TXLNA: variants seen among roughly 807,000 people sequenced by gnomAD.
TXLNA encodes alpha-taxilin.
TXLNA carries 9 observed loss-of-function variants against 61.4 expected under a neutral mutation model. That is an observed-to-expected ratio of 0.15 (90% CI 0.09 to 0.26). The LOEUF (loss-of-function observed/expected upper bound fraction) is 0.26. TXLNA is among the 10% of genes least tolerant of loss of function. TXLNA has a pLI of 1.00. For synonymous variants in TXLNA, 257 were observed against 267.7 expected (o/e 0.96, Z 0.39); for missense variants, 565 against 688.8 (o/e 0.82, Z 2.01).
In TXLNA at chr1:32,181,313, G is replaced by A. The variant is rs1642652367; in HGVS notation, c.241G>A (p.Asp81Asn). 1 of 1,613,846 alleles carries A rather than the reference G, an allele frequency of 6.2e-7. No homozygotes were observed. The highest frequency in any genetic ancestry group is 1.3e-5 in the African/African-American group (1 of 75,050). ...TGAGGAGCTGAGCCGCCAACTGGAA[G>A]ACATACTGAGCACATACTGTGTGGA... ...VSEELSRQLE[D>N]ILSTYCVDNN... Residue 81 changes from aspartate (D) to asparagine (N), a missense_variant, in exon 3 of 11, where the codon GAC becomes AAC. Coordinates refer to ENST00000373610, the MANE Select transcript of TXLNA (RefSeq NM_175852.4).
In TXLNA at chr1:32,181,302, G is replaced by T. The variant is rs777387089; in HGVS notation, c.230G>T (p.Arg77Leu). Residue 77 changes from arginine to leucine, a missense_variant, in exon 3 of 11, where the codon CGC becomes CTC. Physicochemically the swap from Arg to Leu is moderately radical, Grantham distance 102. This residue lies in a region of TXLNA where 192 missense variants were observed against 184.8 expected (regional missense o/e 1.04). Transcript: ENST00000373610. ...CGTGATGTCTCTGAGGAGCTGAGCC[G>T]CCAACTGGAAGACATACTGAGCACA... ...ALRDVSEELS[R>L]QLEDILSTYC... 14 of 1,612,868 alleles carry T rather than the reference G, an allele frequency of 8.7e-6. No homozygotes were observed. The highest frequency in any genetic ancestry group is 1.2e-5 in the Non-Finnish European group (14 of 1,179,104).
In TXLNA at chr1:32,188,091, C is replaced by T. The variant is rs2124149361; in HGVS notation, c.735C>T (p.Cys245=). ...VLARSKLESL[C]RELQRHNRSL... is the part of the protein sequence containing the mutation. ...CCCGCAGCAAGCTTGAGAGCCTATG[C>T]CGTGAGCTGCAGCGGCACAACCGCT... Residue 245 remains cysteine, a synonymous_variant, in exon 5 of 11, where the codon TGC becomes TGT. Coordinates refer to ENST00000373610, the MANE Select transcript of TXLNA (RefSeq NM_175852.4). The T allele has an allele frequency of 1.3e-6, 2 of 1,578,802 alleles. No homozygotes were observed. Among genetic ancestry groups the T allele is most frequent in the Non-Finnish European group, 1.7e-6 (2 of 1,161,412 alleles).
chr1:32,179,972 G>C (rs898114445), intron 1 of TXLNA, 196 bp downstream of exon 1: 2 of 157,040 alleles, frequency 1.3e-5, no homozygotes, highest in Admixed American at 6.5e-5. Flanking sequence ...CGCACGTGGG[G>C]CCTGAGGGGC....
In TXLNA at chr1:32,181,267, TG is replaced by T; in HGVS notation, c.199del (p.Ala67ProfsTer9). ...EGAQARTAQS[G>X]ALRDVSEELS... ...GGGCTCAAGCCAGAACGGCTCAGTCTGGGGCCCTTCGTGATGTCTCTGAGGA... is the reference window on the plus strand; with the variant it reads ...GGGCTCAAGCCAGAACGGCTCAGTCTGGGCCCTTCGTGATGTCTCTGAGGA... On this transcript the variant is annotated frameshift_variant, in exon 3 of 11. Transcript: ENST00000373610. LOFTEE classifies it high-confidence loss of function. The T allele has an allele frequency of 1.2e-6, 2 of 1,606,688 alleles. No homozygotes were observed. Among genetic ancestry groups the T allele is most frequent in the Non-Finnish European group, 1.7e-6 (2 of 1,174,672 alleles).
At chr1:32,180,569 C>T in intron 2 of TXLNA, 55 bp downstream of exon 2, 1 of 1,531,644 alleles carries the variant, frequency 6.5e-7, no homozygotes. Context: ...TGGGGTCGGC[C>T]TCGCTTCTGG....
Position 32,195,214 on chromosome 1 carries a change from A to C in TXLNA, c.*19A>C. On this transcript the variant is annotated 3_prime_UTR_variant, in exon 11 of 11. Transcript: ENST00000373610. ...GGCCTAGAGAGCCTGGTGTTGGGTC[A>C]TGCTGGGAAGGGAGCGGCAGCCCAG... is the stretch of plus-strand genomic sequence containing the variant. 1 of 1,554,010 alleles carries C rather than the reference A, an allele frequency of 6.4e-7. No individual in the cohort carries two copies. Among genetic ancestry groups the C allele is most frequent in the Non-Finnish European group, 8.7e-7 (1 of 1,153,254 alleles).
In TXLNA at chr1:32,195,297, G is replaced by A; in HGVS notation, c.*102G>A. ...AGCAGCCCATTGCTGAAGCCAGGAT[G>A]TTCTGACCTGGCTGGCATCTGGCAC... On this transcript the variant is annotated 3_prime_UTR_variant, in exon 11 of 11. Coordinates refer to ENST00000373610, the MANE Select transcript of TXLNA (RefSeq NM_175852.4). 4 of 1,347,332 alleles carry A rather than the reference G, an allele frequency of 3.0e-6. No individual in the cohort carries two copies. The highest frequency in any genetic ancestry group is 4.0e-6 in the Non-Finnish European group (4 of 1,000,988). The allele number at this position is 1,347,332 out of a possible 1,614,324, so 83.5% of individuals were successfully genotyped here.
In TXLNA at chr1:32,180,409, C is replaced by A; in HGVS notation, c.64C>A (p.Gln22Lys). Reference protein sequence around the residue: ...KQSNPKSSPGQPEAGPEGAQE... With the variant: ...KQSNPKSSPGKPEAGPEGAQE... The stretch of plus-strand genomic sequence containing the variant: ...ATCCAATCCAAAAAGCAGCCCAGGA[C>A]AACCGGAAGCAGGACCCGAGGGAGC... The change falls in exon 2 of 11, where the codon CAA becomes AAA. Residue 22 changes from glutamine (Q) to lysine (K), a missense_variant. Transcript: ENST00000373610. The A allele has an allele frequency of 2.5e-6, 4 of 1,614,062 alleles. No homozygotes were observed. The highest frequency in any genetic ancestry group is 3.4e-6 in the Non-Finnish European group (4 of 1,179,960).
At chr1:32,186,513 G>A (rs1365049629) in intron 4 of TXLNA, among the ~76,000 whole-genome samples, 1 of 152,188 alleles carries the variant, frequency 6.6e-6, no homozygotes, top group Non-Finnish European at 1.5e-5. Flanking sequence ...GGTTGTTATA[G>A]TACTGGTGTA....
intron 3 of TXLNA, among the ~76,000 whole-genome samples, chr1:32,181,968 A>G (rs1356260905): frequency 6.6e-6 from 1 of 152,138 alleles, no homozygotes; most frequent in African/African-American, 2.4e-5. Flanking sequence ...CAGAGTTGAA[A>G]ACCCAAATAT....
rs555745635 is a variant in TXLNA at position 32,195,924 on chromosome 1, A to G, written c.*729A>G. ...CTCTAGCCTGCACAAATGATTGACA[A>G]GAGATCACCCAAAGGATTATTTCTG... On this transcript the variant is annotated 3_prime_UTR_variant, in exon 11 of 11. Transcript: ENST00000373610. 3 of 250,798 alleles carry G rather than the reference A, an allele frequency of 1.2e-5. No homozygotes were observed. The East Asian group carries it at 4.1e-4, about 34-fold the overall frequency. 15.5% of individuals were successfully genotyped at this position (250,798 alleles called of 1,614,324 possible).
At chr1:32,193,003 A>G (rs4949496) in intron 8 of TXLNA, among the ~76,000 whole-genome samples, 7 of 152,098 alleles carry the variant, frequency 4.6e-5, no homozygotes, top group Admixed American at 3.9e-4. Context: ...ATAAAGGCAA[A>G]ATAAAAGTCA....
At position 32,195,433 on chromosome 1, in the gene TXLNA, G is replaced by T. The variant is rs1021988422; in HGVS notation, c.*238G>T. On this transcript the variant is annotated 3_prime_UTR_variant, in exon 11 of 11. Transcript: ENST00000373610. ...CAGTGGGCTTGCATTGGGGATGGGG[G>T]TGTGTACAGATGAAGTCAGTGGCTT... is the stretch of plus-strand genomic sequence containing the variant. 4 of 583,656 alleles carry T rather than the reference G, an allele frequency of 6.9e-6. No individual in the cohort carries two copies. In the Admixed American group the frequency reaches 1.2e-4, roughly 18 times the overall value. The allele number at this position is 583,656 out of a possible 1,614,324, so 36.2% of individuals were successfully genotyped here. A position where few individuals can be genotyped will look rare whatever the true frequency, so the allele number is the denominator to read the frequency against.
rs766491872 is a variant in TXLNA at position 32,195,103 on chromosome 1, A to T, written c.1549A>T (p.Arg517Trp). 1 of 1,614,144 alleles carries T rather than the reference A, an allele frequency of 6.2e-7. No homozygotes were observed. The highest frequency in any genetic ancestry group is 1.3e-5 in the African/African-American group (1 of 75,072). ...GPGAQAPSSP[R>W]VTEAPCYPGA... is the part of the protein sequence containing the mutation. ...TGGGGCTCAAGCACCCAGCTCCCCC[A>T]GGGTCACAGAAGCGCCTTGCTACCC... Residue 517 changes from arginine (R) to tryptophan (W), a missense_variant, in exon 11 of 11, where the codon AGG becomes TGG. Coordinates refer to ENST00000373610, the MANE Select transcript of TXLNA (RefSeq NM_175852.4).
At chr1:32,191,683 G>C (rs1642910385) in intron 6 of TXLNA, among the ~76,000 whole-genome samples, 1 of 152,104 alleles carries the variant, frequency 6.6e-6, no homozygotes, top group Non-Finnish European at 1.5e-5. Context: ...ACCCAAACTG[G>C]ACTTACCTGC....
chr1:32,189,191 G>A (rs955050234), intron 5 of TXLNA, among the ~76,000 whole-genome samples: 3 of 152,042 alleles, frequency 2.0e-5, no homozygotes, highest in Admixed American at 1.3e-4. Context: ...GAAAATTCTT[G>A]TTATATTTAT....
At position 32,181,289 on chromosome 1, in the gene TXLNA, G is replaced by C; in HGVS notation, c.217G>C (p.Glu73Gln). The change falls in exon 3 of 11, where the codon GAG becomes CAG. Residue 73 changes from glutamate (E) to glutamine (Q), a missense_variant. This residue lies in a region of TXLNA where 192 missense variants were observed against 184.8 expected (regional missense o/e 1.04). Transcript: ENST00000373610. ...GTCTGGGGCCCTTCGTGATGTCTCT[G>C]AGGAGCTGAGCCGCCAACTGGAAGA... ...AQSGALRDVS[E>Q]ELSRQLEDIL... 2 of 1,612,606 alleles carry C rather than the reference G, an allele frequency of 1.2e-6. No individual in the cohort carries two copies. Among genetic ancestry groups the C allele is most frequent in the Non-Finnish European group, 1.7e-6 (2 of 1,178,898 alleles).
In TXLNA at chr1:32,181,435, G is replaced by A; in HGVS notation, c.363G>A (p.Gly121=). The A allele has an allele frequency of 1.9e-6, 3 of 1,614,206 alleles. No individual in the cohort carries two copies. The highest frequency in any genetic ancestry group is 2.5e-6 in the Non-Finnish European group (3 of 1,180,042). ...CCCGGACCTATGTGGCAAGGAATGGGGAGCCTGAACCAACTCCAGTAGTCA... is the reference window on the plus strand; with the variant it reads ...CCCGGACCTATGTGGCAAGGAATGGAGAGCCTGAACCAACTCCAGTAGTCA... The part of the protein sequence containing the change: ...EKSRTYVARN[G]EPEPTPVVNG... Residue 121 remains glycine (G), a synonymous_variant, in exon 3 of 11, where the codon GGG becomes GGA. Transcript: ENST00000373610.
In TXLNA at chr1:32,194,148, G is replaced by C. The variant is rs1356631942; in HGVS notation, c.1335G>C (p.Glu445Asp). ...AGAGCAGCAACAAGGCCCTGCTTGA[G>C]ATGGCTGAGGAGGTGGGCTGTCTGT... ...RWESSNKALL[E>D]MAEEKTVRDK... Residue 445 changes from glutamate (E) to aspartate (D), a missense_variant, in exon 10 of 11, where the codon GAG becomes GAC. Glu to Asp is a conservative substitution (Grantham distance 45). Coordinates refer to ENST00000373610, the MANE Select transcript of TXLNA (RefSeq NM_175852.4). 1.2e-6 allele frequency: 2 copies of C among 1,613,752 alleles called. No homozygotes were observed. The highest frequency in any genetic ancestry group is 2.2e-5 in the South Asian group (2 of 91,010).
Sources: allele counts gnomAD v4.1 joint callset (sites outside exome capture counted in the v4.1 genomes callset), GRCh38; gene constraint gnomAD v4.1.1; regional missense constraint gnomAD v4.1.1; transcripts MANE v1.5; gene names NCBI Gene and HGNC (gene_info 2026-07-23, HGNC 2026-07-21).